Variants in ZCWPW2 observed in about 807,000 individuals in gnomAD.
The protein encoded by ZCWPW2 is zinc finger CW-type and PWWP domain containing 2, also known as zinc finger CW-type PWWP domain protein 2.
A neutral mutation model predicts 46.6 loss-of-function variants in ZCWPW2; 45 were observed. The ratio of observed to expected loss-of-function variants is 0.96; its 90% CI spans 0.76 to 1.24. The LOEUF (loss-of-function observed/expected upper bound fraction) is 1.24. Among genes scored for constraint, ZCWPW2 ranks in the 50% most tolerant of loss-of-function variants. The pLI is 0.00. For synonymous variants in ZCWPW2, 152 were observed against 137.1 expected, an observed-to-expected ratio of 1.11 and a Z score of -0.76; for missense variants, 429 against 403.9, an observed-to-expected ratio of 1.06 and a Z score of -0.53.
chr3:28,512,887 A>T (rs1199415444), intron 6 of ZCWPW2, among the ~76,000 whole-genome samples: 1 of 152,192 alleles, frequency 6.6e-6, no homozygotes, highest in African/African-American at 2.4e-5. Flanking sequence ...AATAACTTAA[A>T]TACTTATTTT....
intron 4 of ZCWPW2, among the ~76,000 whole-genome samples, chr3:28,471,636 A>G (rs1337603897): frequency 2.0e-5 from 3 of 152,206 alleles, no homozygotes; most frequent in Non-Finnish European, 2.9e-5. Context: ...GCTGGTATGT[A>G]TCATACTGAA....
At position 28,452,209 on chromosome 3, in the gene ZCWPW2, C is replaced by G. The variant is rs570493932; in HGVS notation, c.492+16940C>G. On this transcript the variant is annotated intron_variant, in intron 4 of 9. Transcript: ENST00000383768. ...AGGTTCTTTGGCTTGAAGGATAGCTCTGCTACTTACTAGTGCTTGACCTAA... is the reference window on the plus strand; with the variant it reads ...AGGTTCTTTGGCTTGAAGGATAGCTGTGCTACTTACTAGTGCTTGACCTAA... Among the ~76,000 whole-genome samples the G allele has an allele frequency of 8.5e-5, 13 of 152,292 alleles. No individual in the cohort carries two copies. The East Asian group carries it at 1.7e-3, about 20-fold the overall frequency.
chr3:28,390,409 T>G, intron 1 of ZCWPW2, 89 bp from the exon 2 acceptor site: 2 of 931,536 alleles, frequency 2.1e-6, no homozygotes, highest in Non-Finnish European at 2.6e-6. Flanking sequence ...GTCAGTGATA[T>G]ATCAGAATTT....
At chr3:28,394,592 G>T (rs545645388) in intron 2 of ZCWPW2, among the ~76,000 whole-genome samples, 1 of 152,186 alleles carries the variant, frequency 6.6e-6, no homozygotes, top group Admixed American at 6.5e-5. Context: ...GAAGAGACCA[G>T]AAATAAACCC....
chr3:28,396,149 T>G (rs543806809), intron 2 of ZCWPW2, among the ~76,000 whole-genome samples: 2 of 152,136 alleles, frequency 1.3e-5, no homozygotes, highest in Admixed American at 1.3e-4. Context: ...CACAACAAAT[T>G]TCAGAGATCA....
intron 1 of ZCWPW2, among the ~76,000 whole-genome samples, chr3:28,362,110 G>A (rs1704964226): frequency 6.6e-6 from 1 of 151,944 alleles, no homozygotes; most frequent in East Asian, 1.9e-4. Flanking sequence ...ACCAAAAGGT[G>A]GATACAAACT....
intron 2 of ZCWPW2, among the ~76,000 whole-genome samples, chr3:28,392,208 G>A (rs980659409): frequency 1.3e-5 from 2 of 152,106 alleles, no homozygotes; most frequent in South Asian, 4.1e-4. Context: ...GTCAAAAACT[G>A]TAAGATGAAA....
chr3:28,498,562 G>T (rs1700056787), intron 6 of ZCWPW2, among the ~76,000 whole-genome samples: 1 of 151,884 alleles, frequency 6.6e-6, no homozygotes, highest in African/African-American at 2.4e-5. Context: ...TCCTTAGAAT[G>T]ACATAGGAAG....
intron 4 of ZCWPW2, among the ~76,000 whole-genome samples, chr3:28,444,062 A>G (rs1399924939): frequency 6.6e-6 from 1 of 152,174 alleles, no homozygotes; most frequent in African/African-American, 2.4e-5. Flanking sequence ...AAGCTGCAAC[A>G]TTAAAAGCAG....
At chr3:28,478,777 A>T in intron 4 of ZCWPW2, 37 bp from the exon 5 acceptor site, 2 of 1,171,876 alleles carry the variant, frequency 1.7e-6, no homozygotes, top group Non-Finnish European at 2.3e-6. Flanking sequence ...TTATATATTT[A>T]AAAATGAATT....
chr3:28,438,419 G>A (rs574818570), intron 4 of ZCWPW2, among the ~76,000 whole-genome samples: 37 of 152,198 alleles, frequency 2.4e-4, no homozygotes, highest in Non-Finnish European at 4.3e-4. Context: ...AAGTGACTGC[G>A]CAGGCAGAGG....
chr3:28,388,156 A>G (rs549770220), intron 1 of ZCWPW2, among the ~76,000 whole-genome samples: 18 of 152,240 alleles, frequency 1.2e-4, no homozygotes, highest in Non-Finnish European at 2.1e-4. Context: ...AACTGAATGG[A>G]TGACGCCCAC....
chr3:28,430,242 C>G (rs1697199414), intron 3 of ZCWPW2, among the ~76,000 whole-genome samples: 1 of 152,256 alleles, frequency 6.6e-6, no homozygotes, highest in South Asian at 2.1e-4. Flanking sequence ...CCACCTCTTG[C>G]ATCAGCGTGA....
chr3:28,394,270 A>G (rs960514340), intron 2 of ZCWPW2, among the ~76,000 whole-genome samples: 1 of 152,094 alleles, frequency 6.6e-6, no homozygotes, highest in African/African-American at 2.4e-5. Flanking sequence ...AAATAAATTG[A>G]AAAATAAACA....
At chr3:28,349,360 T>C (rs1187554022) in intron 1 of ZCWPW2, among the ~76,000 whole-genome samples, 157 bp downstream of exon 1, 2 of 152,164 alleles carry the variant, frequency 1.3e-5, no homozygotes, top group African/African-American at 4.8e-5. Flanking sequence ...GCTTACGAGC[T>C]GACGTGGCTG....
intron 3 of ZCWPW2, among the ~76,000 whole-genome samples, chr3:28,420,549 T>C (rs1696727402): frequency 6.6e-6 from 1 of 151,932 alleles, no homozygotes; most frequent in African/African-American, 2.4e-5. Flanking sequence ...AATCACTTTC[T>C]CACTTTTTTT....
intron 4 of ZCWPW2, among the ~76,000 whole-genome samples, chr3:28,457,545 ACCTGTACACTTCT>A (rs1698471619): frequency 6.6e-6 from 1 of 152,226 alleles, no homozygotes; most frequent in East Asian, 1.9e-4. Flanking sequence ...GCTGATTTAA[ACCTGTACACTTCT>A]TGCAGTTCTA....
At chr3:28,383,070 A>G (rs1243898999) in intron 1 of ZCWPW2, among the ~76,000 whole-genome samples, 1 of 152,118 alleles carries the variant, frequency 6.6e-6, no homozygotes, top group Non-Finnish European at 1.5e-5. Context: ...TCTAGTGCAA[A>G]TACCTTGAAG....
intron 1 of ZCWPW2, among the ~76,000 whole-genome samples, chr3:28,360,459 C>G (rs982504563): frequency 6.7e-6 from 1 of 149,076 alleles, no homozygotes; most frequent in Non-Finnish European, 1.5e-5. Flanking sequence ...GGAGGCGGAG[C>G]TTGCAGTGAG....
Sources: allele counts gnomAD v4.1 joint callset (sites outside exome capture counted in the v4.1 genomes callset), GRCh38; gene constraint gnomAD v4.1.1; transcripts MANE v1.5; gene names NCBI Gene and HGNC (gene_info 2026-07-23, HGNC 2026-07-21).